ATRNL1: variants seen among roughly 807,000 people sequenced by gnomAD.
ATRNL1 encodes the protein attractin-like protein 1.
ATRNL1 carries 95 observed loss-of-function variants against 182.7 expected under a neutral mutation model. The ratio of observed to expected loss-of-function variants is 0.52; its 90% confidence interval spans 0.44 to 0.62. ATRNL1 has a LOEUF of 0.62. ATRNL1 is among the 20% of genes least tolerant of loss of function. ATRNL1 has a pLI of 0.00. For synonymous variants in ATRNL1, 576 were observed against 568.3 expected (o/e 1.01, Z -0.19); for missense variants, 1,471 against 1,679.5 (o/e 0.88, Z 2.17).
rs967581274 is a variant in ATRNL1, at chr10:115,334,394, T to G, written c.3150T>G (p.Asp1050Glu). ...ATTGTATGCCAGGTTATTATGGAGATCCAACCAATGGTGGACAGTGCACAG... is the reference window on the plus strand; with the variant it reads ...ATTGTATGCCAGGTTATTATGGAGAGCCAACCAATGGTGGACAGTGCACAG... Reference protein sequence around the residue: ...CQDCMPGYYGDPTNGGQCTAC... With the variant: ...CQDCMPGYYGEPTNGGQCTAC... The change falls in exon 19 of 29, where the codon GAT (aspartate) becomes GAG (glutamate). Residue 1050 changes from aspartate to glutamate, a missense_variant. Physicochemically the swap from Asp to Glu is conservative, Grantham distance 45. Around this residue, in one of 3 missense-constraint regions of ATRNL1, gnomAD observed 437 missense variants for 506.0 expected, o/e 0.86. Coordinates refer to ENST00000355044, the MANE Select transcript of ATRNL1 (RefSeq NM_207303.4). 1 of 1,603,244 alleles carries G rather than the reference T, an allele frequency of 6.2e-7. No individual in the cohort carries two copies. The highest frequency in any genetic ancestry group is 1.3e-5 in the African/African-American group (1 of 74,774).
intron 15 of ATRNL1, among the ~76,000 whole-genome samples, chr10:115,293,218 C>T (rs1853004123): frequency 6.6e-6 from 1 of 151,882 alleles, no homozygotes; most frequent in Admixed American, 6.6e-5. Flanking sequence ...TTTTTTCATC[C>T]CTTCACTTTT....
chr10:115,634,632 T>A (rs1592982789), intron 26 of ATRNL1, among the ~76,000 whole-genome samples: 1 of 152,282 alleles, frequency 6.6e-6, no homozygotes, highest in East Asian at 1.9e-4. Flanking sequence ...TTTAGAAAAA[T>A]GCTTAGTTCT....
chr10:115,559,276 G>A lies in ATRNL1; in HGVS notation c.3795+9740G>A, dbSNP rs543592882. Among the ~76,000 whole-genome samples, 3 of 152,244 alleles carry A rather than the reference G, an allele frequency of 2.0e-5. No homozygotes were observed. The South Asian group carries it at 6.2e-4, about 32-fold the overall frequency. ...TATAGCAAGCACAGAGATTGCATTT[G>A]TTATTTTTAAATTTCCAATTAGATA... On this transcript the variant is annotated intron_variant, in intron 26 of 28. Transcript: ENST00000355044.
chr10:115,350,347 A>ACC (rs1564941412), intron 19 of ATRNL1, among the ~76,000 whole-genome samples: 3 of 74,214 alleles, frequency 4.0e-5, no homozygotes, highest in Non-Finnish European at 6.5e-5. Flanking sequence ...AAAAAAAAAG[A>ACC]AAAAAAAAAA....
At chr10:115,284,950 A>G (rs1464873442) in intron 14 of ATRNL1, among the ~76,000 whole-genome samples, 1 of 152,164 alleles carries the variant, frequency 6.6e-6, no homozygotes, top group African/African-American at 2.4e-5. Flanking sequence ...TAGATTCTGC[A>G]ATTAACATAT....
chr10:115,489,380 A>G (rs570258489), intron 24 of ATRNL1, among the ~76,000 whole-genome samples: 2 of 152,172 alleles, frequency 1.3e-5, no homozygotes, highest in South Asian at 2.1e-4. Flanking sequence ...GTGGGCCTCT[A>G]AGGACTTGCT....
intron 26 of ATRNL1, among the ~76,000 whole-genome samples, chr10:115,644,821 G>C (rs1306825705): frequency 1.3e-5 from 2 of 152,042 alleles, no homozygotes; most frequent in Non-Finnish European, 2.9e-5. Context: ...AATATATCTG[G>C]GATGTTGTTA....
chr10:115,535,962 T>C (rs1239694755), intron 25 of ATRNL1, among the ~76,000 whole-genome samples: 1 of 151,546 alleles, frequency 6.6e-6, no homozygotes, highest in Non-Finnish European at 1.5e-5. Context: ...TGATCGTTCC[T>C]CTGGAAGTTT....
intron 24 of ATRNL1, among the ~76,000 whole-genome samples, chr10:115,512,007 A>T (rs1258776389): frequency 4.6e-5 from 7 of 151,914 alleles, no homozygotes; most frequent in Non-Finnish European, 1.5e-5. Context: ...TTATTACCGA[A>T]GACAGAATTA....
intron 24 of ATRNL1, among the ~76,000 whole-genome samples, chr10:115,506,196 A>G (rs912229552): frequency 2.0e-5 from 3 of 151,824 alleles, no homozygotes; most frequent in African/African-American, 7.3e-5. Flanking sequence ...GGTGGTGGGG[A>G]ATTTAGCCAC....
intron 26 of ATRNL1, among the ~76,000 whole-genome samples, chr10:115,571,193 C>T (rs1376945711): frequency 1.3e-5 from 2 of 152,096 alleles, no homozygotes; most frequent in African/African-American, 4.8e-5. Context: ...ATAGACTAGA[C>T]CTATAATTTC....
At chr10:115,558,645 C>T (rs1336107) in intron 26 of ATRNL1, among the ~76,000 whole-genome samples, 45,013 of 151,900 alleles carry the variant, frequency 0.3, 7,826 homozygotes, top group East Asian at 0.68. Context: ...CAAACCTAGG[C>T]GTTTTCCTTT....
chr10:115,360,094 G>A (rs1856670070), intron 19 of ATRNL1, among the ~76,000 whole-genome samples: 1 of 151,348 alleles, frequency 6.6e-6, no homozygotes, highest in Non-Finnish European at 1.5e-5. Context: ...GTGTTTTCTT[G>A]ACAAATGGAA....
chr10:115,301,866 C>A lies in ATRNL1; in HGVS notation c.2641C>A (p.Gln881Lys), dbSNP rs782042162. ...TTTATTTATTCCAGTTAGTCCAAATCAAAATGCGAGGCCGTGCAAAAAGCC... is the reference window on the plus strand; with the variant it reads ...TTTATTTATTCCAGTTAGTCCAAATAAAAATGCGAGGCCGTGCAAAAAGCC... ...VCEKPVVSPNQNARPCKKPCS... is the reference protein window; with the variant it reads ...VCEKPVVSPNKNARPCKKPCS... The change falls in exon 17 of 29, where the codon CAA (glutamine) becomes AAA (lysine). Residue 881 changes from glutamine to lysine, a missense_variant. Physicochemically the swap from Gln to Lys is moderately conservative, Grantham distance 53. Around this residue, in one of 3 missense-constraint regions of ATRNL1, gnomAD observed 1,031 missense variants for 1,156.0 expected, o/e 0.89. Coordinates refer to ENST00000355044, the MANE Select transcript of ATRNL1 (RefSeq NM_207303.4). 5.6e-6 allele frequency: 9 copies of A among 1,602,572 alleles called. No individual in the cohort carries two copies. The highest frequency in any genetic ancestry group is 1.7e-4 in the Middle Eastern group (1 of 6,022).
intron 22 of ATRNL1, among the ~76,000 whole-genome samples, chr10:115,466,150 G>A (rs1198000340): frequency 6.6e-6 from 1 of 151,360 alleles, no homozygotes; most frequent in Admixed American, 6.6e-5. Context: ...TGTTATATCA[G>A]AAAAGGGGAA....
chr10:115,441,690 G>A (rs633684), intron 21 of ATRNL1, among the ~76,000 whole-genome samples: 54,822 of 151,386 alleles, frequency 0.36, 11,004 homozygotes, highest in African/African-American at 0.54. Context: ...GTCATATTCA[G>A]TATTTTCAAA....
intron 21 of ATRNL1, among the ~76,000 whole-genome samples, chr10:115,445,551 G>A (rs1554966566): frequency 7.7e-6 from 1 of 129,992 alleles, no homozygotes. Flanking sequence ...GTGTGTGTGT[G>A]TACACTTACC....
intron 27 of ATRNL1, among the ~76,000 whole-genome samples, chr10:115,780,629 G>A (rs191804168): frequency 3.7e-4 from 57 of 152,304 alleles, no homozygotes; most frequent in African/African-American, 1.2e-3. Context: ...GCAACAGTAG[G>A]ATAGGGCACT....
At chr10:115,595,999 G>A (rs1324083085) in intron 26 of ATRNL1, among the ~76,000 whole-genome samples, 1 of 152,052 alleles carries the variant, frequency 6.6e-6, no homozygotes, top group East Asian at 1.9e-4. Context: ...CTGTGGTTTT[G>A]TAACTAGAAA....
Sources: allele counts gnomAD v4.1 joint callset (sites outside exome capture counted in the v4.1 genomes callset), GRCh38; gene constraint gnomAD v4.1.1; regional missense constraint gnomAD v4.1.1; transcripts MANE v1.5; gene names NCBI Gene and HGNC (gene_info 2026-07-23, HGNC 2026-07-21).